PRDM7: variants seen among roughly 807,000 people sequenced by gnomAD.
PRDM7 encodes the protein PR/SET domain 7.
PRDM7 carries 52 observed loss-of-function variants against 64.3 expected under a neutral mutation model. The ratio of observed to expected loss-of-function variants is 0.81; its 90% CI spans 0.65 to 1.02. The LOEUF (loss-of-function observed/expected upper bound fraction) is 1.02, where lower values mean the gene tolerates loss of function less well. Among genes scored for constraint, PRDM7 ranks in the 50% least tolerant of loss-of-function variants. The pLI is 0.00. For missense variants in PRDM7, 574 were observed against 597.1 expected, an observed-to-expected ratio of 0.96 and a Z score of 0.40; for synonymous variants, 192 against 210.1, an observed-to-expected ratio of 0.91 and a Z score of 0.74.
intron 1 of PRDM7, 89 bp from the exon 2 acceptor site, chr16:90,076,084 C>T: frequency 2.7e-6 from 2 of 751,446 alleles, no homozygotes; most frequent in South Asian, 3.6e-5. Flanking sequence ...CTGGGGTGTT[C>T]AGAGCAGGAA....
intron 4 of PRDM7, 50 bp downstream of exon 4, chr16:90,074,866 C>G (rs373962898): frequency 6.3e-7 from 1 of 1,581,814 alleles, no homozygotes; most frequent in Non-Finnish European, 8.7e-7. Flanking sequence ...GCAACAAGAG[C>G]GAAACTCCGT....
intron 4 of PRDM7, among the ~76,000 whole-genome samples, chr16:90,068,170 T>C (rs35366867): frequency 0.17 from 25,880 of 150,680 alleles, 3,919 homozygotes; most frequent in East Asian, 0.75. Context: ...TCCCAGCTAC[T>C]CGGGAGGCTG....
At chr16:90,065,121 G>T (rs569085793) in intron 5 of PRDM7, among the ~76,000 whole-genome samples, 1 of 149,722 alleles carries the variant, frequency 6.7e-6, no homozygotes, top group Non-Finnish European at 1.5e-5. Flanking sequence ...AATTATTCTC[G>T]CCAGGCACAG....
rs1310087523 is a variant in PRDM7, at chr16:90,056,804, T to C, written c.*1485A>G. 1 of 152,192 alleles carries C rather than the reference T, an allele frequency of 6.6e-6. No homozygotes were observed. Among genetic ancestry groups the C allele is most frequent in the African/African-American group, 2.4e-5 (1 of 41,426 alleles). The allele number at this position is 152,192 out of a possible 1,614,324, so 9.4% of individuals were successfully genotyped here. A position where few individuals can be genotyped will look rare whatever the true frequency, so the allele number is the denominator to read the frequency against. On this transcript the variant is annotated 3_prime_UTR_variant, in exon 11 of 11. Coordinates refer to ENST00000449207, the MANE Select transcript of PRDM7 (RefSeq NM_001098173.2). ...TTTCACAATGTCTTTCTATAATCTA[T>C]AGATAACATCAGTTGCTAGGTCAGG... is the stretch of plus-strand genomic sequence containing the variant.
rs564953507 is a variant in PRDM7 at position 90,077,306 on chromosome 16, C to A, written c.-166G>T. On this transcript the variant is annotated 5_prime_UTR_variant, in exon 1 of 11. Transcript: ENST00000449207. ...TCTCCTGCCGCGGTGTTCACCCTGG[C>A]CGGGCGTCTTCTCGGAGCCGCTCAG... 1 of 152,460 alleles carries A rather than the reference C, an allele frequency of 6.6e-6. No homozygotes were observed. Among genetic ancestry groups the A allele is most frequent in the East Asian group, 1.9e-4 (1 of 5,190 alleles). The allele number at this position is 152,460 out of a possible 1,614,324, so 9.4% of individuals were successfully genotyped here. A position where few individuals can be genotyped will look rare whatever the true frequency, so the allele number is the denominator to read the frequency against.
Position 90,075,983 on chromosome 16 carries a change from A to C in PRDM7, c.-73T>G, listed in dbSNP as rs548669226. On this transcript the variant is annotated 5_prime_UTR_variant, in exon 2 of 11. Transcript: ENST00000449207. This position sits in a 1 kb window ranked among gnomAD's most constrained non-coding sequence, Gnocchi z 4.3. The stretch of plus-strand genomic sequence containing the variant: ...AGGGCCCCTGAGTCTCCCAGCTCCT[A>C]GGCCAAAGGCTCCTGTGGAAGGAGA... 4 of 1,511,646 alleles carry C rather than the reference A, an allele frequency of 2.6e-6. No homozygotes were observed. The East Asian group carries it at 9.5e-5, about 36-fold the overall frequency. 93.6% of individuals were successfully genotyped at this position (1,511,646 alleles called of 1,614,324 possible). A position where few individuals can be genotyped will look rare whatever the true frequency, so the allele number is the denominator to read the frequency against.
At chr16:90,070,204 C>T (rs2037936050) in intron 4 of PRDM7, among the ~76,000 whole-genome samples, 1 of 151,030 alleles carries the variant, frequency 6.6e-6, no homozygotes, top group Non-Finnish European at 1.5e-5. Context: ...TGCTGAAGCA[C>T]ATTTAATACC....
chr16:90,066,448 T>A (rs1261842858), intron 5 of PRDM7, among the ~76,000 whole-genome samples: 1 of 151,218 alleles, frequency 6.6e-6, no homozygotes, highest in Non-Finnish European at 1.5e-5. Flanking sequence ...CTTTTAATGA[T>A]CTTGTAAGTG....
At chr16:90,069,383 A>G (rs765086889) in intron 4 of PRDM7, among the ~76,000 whole-genome samples, 9 of 151,422 alleles carry the variant, frequency 5.9e-5, no homozygotes, top group Non-Finnish European at 7.4e-5. Flanking sequence ...CTGAAATGTA[A>G]GGTCTATAAG....
intron 4 of PRDM7, among the ~76,000 whole-genome samples, chr16:90,074,273 AATC>A (rs904859540): frequency 4.3e-5 from 5 of 117,312 alleles, no homozygotes; most frequent in Non-Finnish European, 7.3e-5. Flanking sequence ...TAATAGTAAC[AATC>A]ATCATCGTCA....
In PRDM7 at chr16:90,057,829, A is replaced by G; in HGVS notation, c.*460T>C. On this transcript the variant is annotated 3_prime_UTR_variant, in exon 11 of 11. Coordinates refer to ENST00000449207, the MANE Select transcript of PRDM7 (RefSeq NM_001098173.2). The stretch of plus-strand genomic sequence containing the variant: ...GTGGCTATTGAGATAAGGTTTTATT[A>G]CTAATGACTTACTCATCCTTCCTGC... 1.4e-6 allele frequency: 2 copies of G among 1,463,718 alleles called. No individual in the cohort carries two copies. The highest frequency in any genetic ancestry group is 1.8e-6 in the Non-Finnish European group (2 of 1,085,424). 90.7% of individuals were successfully genotyped at this position (1,463,718 alleles called of 1,614,324 possible). A position where few individuals can be genotyped will look rare whatever the true frequency, so the allele number is the denominator to read the frequency against.
chr16:90,058,890 T>G (rs2037723587), intron 10 of PRDM7, among the ~76,000 whole-genome samples: 2 of 152,308 alleles, frequency 1.3e-5, no homozygotes, highest in East Asian at 3.9e-4. Flanking sequence ...TGATCACCTC[T>G]GCCACATGCT....
At chr16:90,063,139 A>G (rs2037810438) in intron 6 of PRDM7, among the ~76,000 whole-genome samples, 2 of 152,220 alleles carry the variant, frequency 1.3e-5, no homozygotes, top group African/African-American at 4.8e-5. Flanking sequence ...TAATGATCTT[A>G]CATGCTATTC....
rs780584089 is a variant in PRDM7 at position 90,060,400 on chromosome 16, C to G, written c.1174G>C (p.Ala392Pro). The change falls in exon 10 of 11, where the codon GCC becomes CCC. Residue 392 changes from alanine to proline, a missense_variant. Physicochemically the swap from Ala to Pro is conservative, Grantham distance 27. Transcript: ENST00000449207. ...GCCCCACTTGATGCCCAGTTCCTGG[C>G]CATACTCATCCCCATACCAGACCAG... is the stretch of plus-strand genomic sequence containing the variant. ...NCWSGMGMSM[A>P]RNWASSGAAS... The G allele has an allele frequency of 2.5e-6, 4 of 1,613,778 alleles. No individual in the cohort carries two copies. Among genetic ancestry groups the G allele is most frequent in the Admixed American group, 1.7e-5 (1 of 59,996 alleles).
At chr16:90,058,594 G>C (rs2037719148) in intron 10 of PRDM7, 60 bp from the exon 11 acceptor site, 1 of 1,548,106 alleles carries the variant, frequency 6.5e-7, no homozygotes, top group Admixed American at 1.7e-5. Flanking sequence ...TACATATGAA[G>C]GTATGAAGAT....
In PRDM7 at chr16:90,061,908, A is replaced by G; in HGVS notation, c.882+13T>C. On this transcript the variant is annotated intron_variant, in intron 8 of 10. Coordinates refer to ENST00000449207, the MANE Select transcript of PRDM7 (RefSeq NM_001098173.2). ...GGGAAGACAGAACAGGGGAAACAGC[A>G]GGCTCTTCTTACTAGCCAGGAATAT... 6.2e-7 allele frequency: 1 copy of G among 1,614,208 alleles called. No homozygotes were observed. The highest frequency in any genetic ancestry group is 8.5e-7 in the Non-Finnish European group (1 of 1,179,986).
chr16:90,057,672 G>C lies in PRDM7; in HGVS notation c.*617C>G. 2 of 1,136,932 alleles carry C rather than the reference G, an allele frequency of 1.8e-6. No individual in the cohort carries two copies. Among genetic ancestry groups the C allele is most frequent in the Non-Finnish European group, 2.2e-6 (2 of 896,514 alleles). 70.4% of individuals were successfully genotyped at this position (1,136,932 alleles called of 1,614,324 possible). On this transcript the variant is annotated 3_prime_UTR_variant, in exon 11 of 11. Transcript: ENST00000449207. ...TTCTTCCTCAACTCTAGTCATGAAA[G>C]TGGCGGATTTGTTTAATTAGTTATT...
At position 90,075,852 on chromosome 16, in the gene PRDM7, C is replaced by T. The variant is rs144692165; in HGVS notation, c.59G>A (p.Arg20Gln). ...SPEGDTERTE[R>Q]KPMVKDAFKD... Reference sequence around the variant, plus strand: ...TCCCCGACTTCTCACCATGGGCTTCCGCTCTGTTCTCTCTGTGTCTCCTTC... The same window carrying T: ...TCCCCGACTTCTCACCATGGGCTTCTGCTCTGTTCTCTCTGTGTCTCCTTC... Residue 20 changes from arginine (R) to glutamine (Q), a missense_variant, in exon 2 of 11, where the codon CGG becomes CAG. Coordinates refer to ENST00000449207, the MANE Select transcript of PRDM7 (RefSeq NM_001098173.2). The surrounding 1 kb of genome is among the most constrained non-coding windows in gnomAD (Gnocchi z 4.3). 1,754 of 1,613,934 alleles carry T rather than the reference C, an allele frequency of 1.1e-3. 19 individuals carry two copies. The East Asian group carries it at 0.022, about 20-fold the overall frequency.
rs2037695589 is a variant in PRDM7, at chr16:90,056,987, AG to A, written c.*1301del. ...GTATAAAACAATATAAAACAGTATG[AG>A]AGGGTCTGTCTCTCTTCTCTCAGAG... On this transcript the variant is annotated 3_prime_UTR_variant, in exon 11 of 11. Transcript: ENST00000449207. The A allele has an allele frequency of 6.6e-6, 1 of 152,102 alleles. No homozygotes were observed. Among genetic ancestry groups the A allele is most frequent in the African/African-American group, 2.4e-5 (1 of 41,376 alleles). The allele number at this position is 152,102 out of a possible 1,614,324, so 9.4% of individuals were successfully genotyped here.
Sources: gnomAD v4.1 joint callset for allele counts (sites outside exome capture counted in the v4.1 genomes callset) on GRCh38, gnomAD v4.1.1 for gene constraint, Gnocchi (gnomAD v3.1) non-coding constraint, MANE v1.5 for transcripts, NCBI Gene and HGNC (gene_info 2026-07-23, HGNC 2026-07-21) for gene names.